RAB23: variants seen among roughly 807,000 people sequenced by gnomAD.
RAB23 encodes ras-related protein Rab-23.
Under a neutral mutation model 30.0 loss-of-function variants are expected in RAB23, and 15 were observed. The observed-to-expected ratio is 0.50, with a 90% CI of 0.33 to 0.77. The LOEUF (loss-of-function observed/expected upper bound fraction) is 0.77, where lower values mean the gene tolerates loss of function less well. Ranked by LOEUF, RAB23 falls within the 30% of genes least tolerant of loss-of-function variation. The pLI is 0.02. For synonymous variants in RAB23, 93 were observed against 94.0 expected (o/e 0.99, Z 0.06); for missense variants, 243 against 275.4 (o/e 0.88, Z 0.83).
intron 1 of RAB23, among the ~76,000 whole-genome samples, chr6:57,218,039 C>T (rs1307963869): frequency 6.6e-6 from 1 of 152,070 alleles, no homozygotes; most frequent in Non-Finnish European, 1.5e-5. Context: ...AATATAGGTC[C>T]ATTTGAATAC....
intron 6 of RAB23, 53 bp downstream of exon 6, chr6:57,193,787 ATG>A: frequency 6.3e-7 from 1 of 1,589,614 alleles, no homozygotes; most frequent in South Asian, 1.1e-5. Context: ...AGCATATTAT[ATG>A]TGTTTTTTAA....
chr6:57,208,731 A>G (rs1393780009), intron 2 of RAB23, among the ~76,000 whole-genome samples: 1 of 151,868 alleles, frequency 6.6e-6, no homozygotes, highest in Non-Finnish European at 1.5e-5. Flanking sequence ...CTCATTATTC[A>G]CAGTAGTTAC....
intron 3 of RAB23, among the ~76,000 whole-genome samples, chr6:57,197,847 T>C (rs966793549): frequency 2.0e-5 from 3 of 152,186 alleles, no homozygotes; most frequent in Non-Finnish European, 4.4e-5. Context: ...CAATCAATCC[T>C]CCCACCTCAG....
chr6:57,218,470 G>A (rs895333879), intron 1 of RAB23, among the ~76,000 whole-genome samples: 1 of 152,170 alleles, frequency 6.6e-6, no homozygotes, highest in African/African-American at 2.4e-5. Flanking sequence ...AGTATCAATT[G>A]ATGCAGAAGA....
At chr6:57,213,346 A>C (rs1362022502) in intron 1 of RAB23, among the ~76,000 whole-genome samples, 2 of 152,158 alleles carry the variant, frequency 1.3e-5, no homozygotes, top group Admixed American at 6.5e-5. Flanking sequence ...TCTGGACATC[A>C]AGTATCATCA....
intron 3 of RAB23, among the ~76,000 whole-genome samples, chr6:57,205,268 A>C (rs1476872110): frequency 6.6e-6 from 1 of 152,028 alleles, no homozygotes; most frequent in Non-Finnish European, 1.5e-5. Flanking sequence ...ATATATAAAA[A>C]TAAAATTTCA....
In RAB23 at chr6:57,187,709, A is replaced by G. The variant is rs1764655405; in HGVS notation, c.*2752T>C. 1 of 152,162 alleles carries G rather than the reference A, an allele frequency of 6.6e-6. No individual in the cohort carries two copies. Among genetic ancestry groups the G allele is most frequent in the Non-Finnish European group, 1.5e-5 (1 of 68,014 alleles). 9.4% of individuals were successfully genotyped at this position (152,162 alleles called of 1,614,324 possible). Reference sequence around the variant, plus strand: ...ATTCTAAGGTCTTCAGAAAAGGTCCAGTTTCCTAAAACTCACAGGTCCAAG... The same window carrying G: ...ATTCTAAGGTCTTCAGAAAAGGTCCGGTTTCCTAAAACTCACAGGTCCAAG... On this transcript the variant is annotated 3_prime_UTR_variant, in exon 7 of 7. Coordinates refer to ENST00000468148, the MANE Select transcript of RAB23 (RefSeq NM_016277.5).
At chr6:57,198,380 G>A (rs1011385154) in intron 3 of RAB23, among the ~76,000 whole-genome samples, 1 of 152,124 alleles carries the variant, frequency 6.6e-6, no homozygotes, top group Non-Finnish European at 1.5e-5. Context: ...TGGGTGTGGT[G>A]GCGGGTGCCT....
chr6:57,208,561 C>T (rs189683663), intron 2 of RAB23, among the ~76,000 whole-genome samples: 306 of 140,572 alleles, frequency 2.2e-3, no homozygotes, highest in Middle Eastern at 8.1e-3. Context: ...ATGGGAGAAT[C>T]GCTTGAGCCT....
chr6:57,207,784 T>C, intron 2 of RAB23, 71 bp from the exon 3 acceptor site: 1 of 1,058,956 alleles, frequency 9.4e-7, no homozygotes, highest in Non-Finnish European at 1.4e-6. Context: ...TGTGTATATT[T>C]TTCATTTTCA....
chr6:57,208,489 A>T (rs1765526994), intron 2 of RAB23, among the ~76,000 whole-genome samples: 1 of 152,032 alleles, frequency 6.6e-6, no homozygotes, highest in South Asian at 2.1e-4. Flanking sequence ...TCTACCAAAA[A>T]TAGAAAAATT....
In RAB23 at chr6:57,188,169, A is replaced by C. The variant is rs542293516; in HGVS notation, c.*2292T>G. On this transcript the variant is annotated 3_prime_UTR_variant, in exon 7 of 7. Transcript: ENST00000468148. ...GGTTTCATAAAATTAAAGTTATTTA[A>C]GAGAATGAAGGGTCTTGGAAAAAAA... 5.3e-5 allele frequency: 8 copies of C among 152,318 alleles called. No individual in the cohort carries two copies. In the East Asian group the frequency reaches 1.5e-3, roughly 29 times the overall value. The allele number at this position is 152,318 out of a possible 1,614,324, so 9.4% of individuals were successfully genotyped here.
chr6:57,206,827 T>C (rs1170138213), intron 3 of RAB23, among the ~76,000 whole-genome samples: 1 of 152,188 alleles, frequency 6.6e-6, no homozygotes, highest in Non-Finnish European at 1.5e-5. Context: ...AGGGACATCA[T>C]AGAAGGGATA....
intron 3 of RAB23, among the ~76,000 whole-genome samples, chr6:57,206,700 G>C (rs1765467236): frequency 6.6e-6 from 1 of 152,178 alleles, no homozygotes; most frequent in Non-Finnish European, 1.5e-5. Flanking sequence ...TTTAAGTCTT[G>C]AGGAATGTGA....
chr6:57,196,463 A>C lies in RAB23; in HGVS notation c.385T>G (p.Ser129Ala), dbSNP rs1765025621. The change falls in exon 4 of 7, where the codon TCT (serine) becomes GCT (alanine). Residue 129 changes from serine to alanine, a missense_variant. Transcript: ENST00000468148. The stretch of plus-strand genomic sequence containing the variant: ...TAGCCATCTTACTTCTTTATACAAG[A>C]ATCATCCAGAAGATCAATCTTGTTT... ...VQNKIDLLDD[S>A]CIKNEEAEAL... 2 of 1,613,912 alleles carry C rather than the reference A, an allele frequency of 1.2e-6. No homozygotes were observed. Among genetic ancestry groups the C allele is most frequent in the Admixed American group, 3.3e-5 (2 of 60,006 alleles).
chr6:57,193,804 A>G, intron 6 of RAB23, 38 bp downstream of exon 6: 2 of 1,606,088 alleles, frequency 1.2e-6, no homozygotes, highest in Non-Finnish European at 1.7e-6. Context: ...TTTTAACTTT[A>G]CCAAGTAAAC....
intron 3 of RAB23, among the ~76,000 whole-genome samples, chr6:57,200,855 C>G (rs922130710): frequency 6.6e-5 from 10 of 152,114 alleles, no homozygotes; most frequent in African/African-American, 2.4e-4. Context: ...CTCCCAATGG[C>G]AGGGCAAAGA....
At chr6:57,200,632 G>T (rs1765220143) in intron 3 of RAB23, among the ~76,000 whole-genome samples, 1 of 151,904 alleles carries the variant, frequency 6.6e-6, no homozygotes, top group Non-Finnish European at 1.5e-5. Context: ...GGATGAGGGT[G>T]CTATCACCAC....
rs9475789 is a variant in RAB23 at position 57,197,715 on chromosome 6, T to C, written c.242-1109A>G. On this transcript the variant is annotated intron_variant, in intron 3 of 6. Transcript: ENST00000468148. ...AAACAGAAGGTTCATTTGGAAAATC[T>C]TCCCTACCCTAAAAACAGGTTTTTT... is the stretch of plus-strand genomic sequence containing the variant. Among the ~76,000 whole-genome samples the C allele has an allele frequency of 6.0e-3, 919 of 152,250 alleles. 7 individuals carry two copies. The highest frequency in any genetic ancestry group is 0.021 in the African/African-American group (881 of 41,548).
Sources: gnomAD v4.1 joint callset for allele counts (sites outside exome capture counted in the v4.1 genomes callset) on GRCh38, gnomAD v4.1.1 for gene constraint, MANE v1.5 for transcripts, NCBI Gene and HGNC (gene_info 2026-07-23, HGNC 2026-07-21) for gene names.